Variants in IL15 observed in about 807,000 individuals in gnomAD.
The protein encoded by IL15 is interleukin 15, also known as interleukin-15.
In IL15, 11 loss-of-function variants were observed where a neutral mutation model predicts 19.6. That is an observed-to-expected ratio of 0.56 (90% CI 0.35 to 0.93). The LOEUF is 0.93. Ranked by LOEUF, IL15 falls within the 40% of genes least tolerant of loss-of-function variation. IL15 has a pLI of 0.01. For synonymous variants in IL15, 58 were observed against 59.6 expected (o/e 0.97, Z 0.12); for missense variants, 197 against 186.5 (o/e 1.06, Z -0.33).
intron 2 of IL15, among the ~76,000 whole-genome samples, chr4:141,666,084 A>ATTTATTTATTTT (rs1727965533): frequency 7.0e-6 from 1 of 143,882 alleles, no homozygotes; most frequent in Non-Finnish European, 1.5e-5. Flanking sequence ...TTTATTTATT[A>ATTTATTTATTTT]TTTATTTATT....
chr4:141,668,289 G>T (rs557421443), intron 2 of IL15, among the ~76,000 whole-genome samples: 20 of 152,246 alleles, frequency 1.3e-4, no homozygotes, highest in African/African-American at 4.8e-4. Context: ...ACCTCCCTGG[G>T]CCAGGTGTCT....
chr4:141,696,378 T>C (rs1028685515), intron 2 of IL15, among the ~76,000 whole-genome samples: 2 of 152,132 alleles, frequency 1.3e-5, no homozygotes, highest in Non-Finnish European at 2.9e-5. Context: ...TCCTACAATA[T>C]TCTTTTTGCT....
At position 141,681,287 on chromosome 4, in the gene IL15, T is replaced by A. The variant is rs1257557273; in HGVS notation, c.-100+24980T>A. Among the ~76,000 whole-genome samples the A allele has an allele frequency of 2.7e-5, 4 of 150,586 alleles. No homozygotes were observed. In the East Asian group the frequency reaches 5.8e-4, roughly 22 times the overall value. On this transcript the variant is annotated intron_variant, in intron 2 of 7. Coordinates refer to ENST00000320650, the MANE Select transcript of IL15 (RefSeq NM_000585.5). The stretch of plus-strand genomic sequence containing the variant: ...AATAAGTTGGCATGTTTAATTAACC[T>A]GTGTAAAAAAAAAAAAAGAGAGAAG...
Position 141,693,016 on chromosome 4 carries a change from CAAAAAAAAAA to C in IL15, c.-99-26333_-99-26324del, listed in dbSNP as rs70949131. Among the ~76,000 whole-genome samples the C allele has an allele frequency of 3.4e-4, 8 of 23,232 alleles. 1 individual carries two copies. Among genetic ancestry groups the C allele is most frequent in the African/African-American group, 6.3e-4 (4 of 6,300 alleles). The allele number at this position is 23,232 out of a possible 152,430, so 15.2% of individuals were successfully genotyped here. On this transcript the variant is annotated intron_variant, in intron 2 of 7. Coordinates refer to ENST00000320650, the MANE Select transcript of IL15 (RefSeq NM_000585.5). ...AGGGGAACAGAGCAAGACTCCGTCT[CAAAAAAAAAA>C]AAAAAAAAAAAAAAAAGATACTACC...
intron 1 of IL15, among the ~76,000 whole-genome samples, chr4:141,644,899 G>A (rs184680764): frequency 1.2e-4 from 19 of 152,214 alleles, no homozygotes; most frequent in Non-Finnish European, 2.1e-4. Flanking sequence ...TACATGTTCC[G>A]GATTAAGGTT....
At chr4:141,673,388 GA>G (rs953629516) in intron 2 of IL15, among the ~76,000 whole-genome samples, 3 of 152,014 alleles carry the variant, frequency 2.0e-5, no homozygotes, top group Admixed American at 6.6e-5. Context: ...GATTTTTCTT[GA>G]TTTACTTTTA....
At chr4:141,690,455 A>C (rs1163110208) in intron 2 of IL15, among the ~76,000 whole-genome samples, 10 of 152,226 alleles carry the variant, frequency 6.6e-5, no homozygotes, top group Non-Finnish European at 1.2e-4. Context: ...AATAAAACCT[A>C]TTAGTCATCC....
At chr4:141,686,661 G>A (rs997232257) in intron 2 of IL15, among the ~76,000 whole-genome samples, 4 of 152,154 alleles carry the variant, frequency 2.6e-5, no homozygotes, top group African/African-American at 7.2e-5. Flanking sequence ...ATCCAGGTTC[G>A]TAGGGCCTCA....
chr4:141,703,318 A>G (rs941652171), intron 2 of IL15, among the ~76,000 whole-genome samples: 6 of 152,024 alleles, frequency 3.9e-5, no homozygotes, highest in African/African-American at 1.4e-4. Context: ...TTATATCACA[A>G]ATTCAGCTGG....
At chr4:141,699,641 T>C (rs1218052256) in intron 2 of IL15, among the ~76,000 whole-genome samples, 1 of 152,206 alleles carries the variant, frequency 6.6e-6, no homozygotes, top group Non-Finnish European at 1.5e-5. Context: ...GATGTAAAAA[T>C]AGCTACTCTT....
intron 2 of IL15, among the ~76,000 whole-genome samples, chr4:141,681,179 C>T (rs1728519273): frequency 6.6e-6 from 1 of 152,032 alleles, no homozygotes; most frequent in African/African-American, 2.4e-5. Flanking sequence ...TTTCTTCTCA[C>T]AGAACACCTT....
chr4:141,694,338 G>C (rs1422903519), intron 2 of IL15, among the ~76,000 whole-genome samples: 5 of 152,180 alleles, frequency 3.3e-5, no homozygotes, highest in African/African-American at 1.2e-4. Flanking sequence ...TTAAGGGTTG[G>C]TTCTCTTGAG....
Position 141,720,352 on chromosome 4 carries a change from A to C in IL15, c.13-117A>C, listed in dbSNP as rs1382504005. 4.9e-6 allele frequency: 3 copies of C among 615,912 alleles called. No homozygotes were observed. In the East Asian group the frequency reaches 8.7e-5, roughly 18 times the overall value. The allele number at this position is 615,912 out of a possible 1,614,324, so 38.2% of individuals were successfully genotyped here. A position where few individuals can be genotyped will look rare whatever the true frequency, so the allele number is the denominator to read the frequency against. The stretch of plus-strand genomic sequence containing the variant: ...TTTATTATTTTTGATAAGGGGCATT[A>C]ATTATGAAATTATGACAAACTTACA... On this transcript the variant is annotated intron_variant, in intron 3 of 7. Coordinates refer to ENST00000320650, the MANE Select transcript of IL15 (RefSeq NM_000585.5).
chr4:141,732,899 G>A lies in IL15; in HGVS notation c.*51G>A, dbSNP rs770784464. On this transcript the variant is annotated 3_prime_UTR_variant, in exon 8 of 8. Coordinates refer to ENST00000320650, the MANE Select transcript of IL15 (RefSeq NM_000585.5). ...TTCTGTTATTAACAAACATCACTCT[G>A]CTGCTTAGACATAACAAAACACTCG... The A allele has an allele frequency of 6.3e-7, 1 of 1,583,906 alleles. No homozygotes were observed. The highest frequency in any genetic ancestry group is 8.6e-7 in the Non-Finnish European group (1 of 1,168,716).
chr4:141,636,834 G>A (rs1726870980), intron 1 of IL15, 86 bp downstream of exon 1: 1 of 152,386 alleles, frequency 6.6e-6, no homozygotes, highest in Admixed American at 6.5e-5. Flanking sequence ...CTACGCCCAG[G>A]GCCCCTCCCA....
chr4:141,681,996 G>A (rs969983445), intron 2 of IL15, among the ~76,000 whole-genome samples: 2 of 152,206 alleles, frequency 1.3e-5, no homozygotes, highest in Admixed American at 6.5e-5. Context: ...AATTTCTGCT[G>A]AGAAGTGATT....
At chr4:141,707,707 G>T (rs1729570222) in intron 2 of IL15, among the ~76,000 whole-genome samples, 1 of 152,210 alleles carries the variant, frequency 6.6e-6, no homozygotes, top group Non-Finnish European at 1.5e-5. Flanking sequence ...CGCTGTGAGA[G>T]CTTTTGAGGT....
At chr4:141,702,691 C>T (rs556356394) in intron 2 of IL15, among the ~76,000 whole-genome samples, 4 of 152,310 alleles carry the variant, frequency 2.6e-5, no homozygotes, top group South Asian at 4.2e-4. Flanking sequence ...TGGCTGGCCT[C>T]CAGCCAGGAG....
At chr4:141,721,172 G>A (rs1285196346) in intron 4 of IL15, 1 of 1,174,094 alleles carries the variant, frequency 8.5e-7, no homozygotes, top group South Asian at 1.2e-5. Context: ...CCATAGATTT[G>A]TGCAGGTAAT....
Sources: allele counts gnomAD v4.1 joint callset (sites outside exome capture counted in the v4.1 genomes callset), GRCh38; gene constraint gnomAD v4.1.1; transcripts MANE v1.5; gene names NCBI Gene and HGNC (gene_info 2026-07-23, HGNC 2026-07-21).